LDHB: variants seen among roughly 807,000 people sequenced by gnomAD.
LDHB encodes the protein lactate dehydrogenase B, also known as L-lactate dehydrogenase B chain.
LDHB carries 18 observed loss-of-function variants against 33.4 expected under a neutral mutation model. The ratio of observed to expected loss-of-function variants is 0.54; its 90% confidence interval spans 0.37 to 0.80. The LOEUF is 0.80. Ranked by LOEUF, LDHB falls within the 30% of genes least tolerant of loss-of-function variation. The pLI, the probability that LDHB is intolerant of heterozygous loss-of-function variation, is 0.00. For synonymous variants in LDHB, 121 were observed against 140.6 expected (o/e 0.86, Z 0.98); for missense variants, 345 against 407.9 (o/e 0.85, Z 1.33).
intron 6 of LDHB, among the ~76,000 whole-genome samples, chr12:21,637,770 T>C (rs1650287): frequency 0.94 from 143,598 of 152,008 alleles, 68,333 homozygotes; most frequent in East Asian, 1. Context: ...TAGAAGACCT[T>C]GGACCAGTTA....
intron 4 of LDHB, among the ~76,000 whole-genome samples, chr12:21,643,222 G>A (rs1938421647): frequency 6.6e-6 from 1 of 152,218 alleles, no homozygotes; most frequent in African/African-American, 2.4e-5. Flanking sequence ...GGAAGTGTGA[G>A]AGATAATCAG....
chr12:21,635,475 A>G lies in LDHB; in HGVS notation c.*67T>C. 5 of 1,312,226 alleles carry G rather than the reference A, an allele frequency of 3.8e-6. No individual in the cohort carries two copies. Among genetic ancestry groups the G allele is most frequent in the Non-Finnish European group, 5.5e-6 (5 of 907,044 alleles). 81.3% of individuals were successfully genotyped at this position (1,312,226 alleles called of 1,614,324 possible). A position where few individuals can be genotyped will look rare whatever the true frequency, so the allele number is the denominator to read the frequency against. The stretch of plus-strand genomic sequence containing the variant: ...AGCAAACTGTGATCCATGTACATGG[A>G]TGAAAACTAAAGGCTCGAGTTAATC... On this transcript the variant is annotated 3_prime_UTR_variant, in exon 8 of 8. Coordinates refer to ENST00000350669, the MANE Select transcript of LDHB (RefSeq NM_002300.8).
At chr12:21,651,467 G>C (rs370018538) in intron 2 of LDHB, among the ~76,000 whole-genome samples, 2 of 152,186 alleles carry the variant, frequency 1.3e-5, no homozygotes, top group East Asian at 3.9e-4. Context: ...TGGGCTTCGC[G>C]AATCTGGCTA....
intron 5 of LDHB, 95 bp downstream of exon 5, chr12:21,641,857 A>G: frequency 1.8e-6 from 2 of 1,111,386 alleles, no homozygotes; most frequent in Non-Finnish European, 2.6e-6. Context: ...TCTTAAGTAC[A>G]TCAAAGTCTA....
At chr12:21,635,859 ACAGAGCAAGAACTAAT>A (rs1938201593) in intron 7 of LDHB, 150 bp from the exon 8 acceptor site, 2 of 718,018 alleles carry the variant, frequency 2.8e-6, no homozygotes, top group Admixed American at 4.0e-5. Context: ...AGCCTGGGTG[ACAGAGCAAGAACTAAT>A]CTCTAAAGGG....
In LDHB at chr12:21,635,783, G is replaced by A. The variant is rs1325046758; in HGVS notation, c.838-74C>T. On this transcript the variant is annotated intron_variant, in intron 7 of 7. Coordinates refer to ENST00000350669, the MANE Select transcript of LDHB (RefSeq NM_002300.8). ...AAATGATCAAAGACAGGAGGCTGAG[G>A]TGGGAGGACTGTTTGAGCCCAGGAG... 7 of 1,368,214 alleles carry A rather than the reference G, an allele frequency of 5.1e-6. No individual in the cohort carries two copies. In the Admixed American group the frequency reaches 7.4e-5, roughly 14 times the overall value. 84.8% of individuals were successfully genotyped at this position (1,368,214 alleles called of 1,614,324 possible). A position where few individuals can be genotyped will look rare whatever the true frequency, so the allele number is the denominator to read the frequency against.
Position 21,654,733 on chromosome 12 carries a change from A to G in LDHB, c.-6-56T>C, listed in dbSNP as rs1174830708. The G allele has an allele frequency of 7.0e-6, 10 of 1,425,924 alleles. No individual in the cohort carries two copies. The East Asian group carries it at 2.3e-4, about 32-fold the overall frequency. The allele number at this position is 1,425,924 out of a possible 1,614,324, so 88.3% of individuals were successfully genotyped here. A position where few individuals can be genotyped will look rare whatever the true frequency, so the allele number is the denominator to read the frequency against. ...ATATCTGCATATGAAATCCAAATAG[A>G]AATCATCCTTAAAATGTTACTGTTG... On this transcript the variant is annotated intron_variant, in intron 1 of 7. Coordinates refer to ENST00000350669, the MANE Select transcript of LDHB (RefSeq NM_002300.8).
At chr12:21,645,686 C>T (rs1938504512) in intron 3 of LDHB, among the ~76,000 whole-genome samples, 1 of 152,130 alleles carries the variant, frequency 6.6e-6, no homozygotes, top group Admixed American at 6.5e-5. Flanking sequence ...TTCCTGCTGA[C>T]CTTCTCTCCA....
chr12:21,642,075 G>A lies in LDHB; in HGVS notation c.472C>T (p.Arg158Cys), dbSNP rs532712842. The part of the protein sequence containing the change: ...TWKLSGLPKH[R>C]VIGSGCNLDS... Reference sequence around the variant, plus strand: ...AGATTACATCCACTTCCAATCACGCGGTGTTTGGGTAATCCACTTAGTTTC... The same window carrying A: ...AGATTACATCCACTTCCAATCACGCAGTGTTTGGGTAATCCACTTAGTTTC... The change falls in exon 5 of 8, where the codon CGC becomes TGC. Residue 158 changes from arginine (R) to cysteine (C), a missense_variant. Transcript: ENST00000350669. 4.0e-4 allele frequency: 653 copies of A among 1,612,700 alleles called. 6 individuals carry two copies. The South Asian group carries it at 6.6e-3, about 16-fold the overall frequency.
At chr12:21,654,936 C>T (rs533841395) in intron 1 of LDHB, among the ~76,000 whole-genome samples, 1 of 152,050 alleles carries the variant, frequency 6.6e-6, no homozygotes, top group African/African-American at 2.4e-5. Context: ...TCCTGGCCAA[C>T]ATGGTGAAAC....
Position 21,654,654 on chromosome 12 carries a change from T to C in LDHB, c.18A>G (p.Glu6=). MATLK[E]KLIAPVAEEE... is the part of the protein sequence containing the mutation. ...CTTCCGCAACTGGTGCAATGAGTTT[T>C]TCCTTAAGAGTTGCCATTTTGCACT... The change falls in exon 2 of 8, where the codon GAA becomes GAG. Residue 6 remains glutamate, a synonymous_variant. Transcript: ENST00000350669. 6.2e-7 allele frequency: 1 copy of C among 1,614,048 alleles called. No homozygotes were observed.
At chr12:21,656,470 T>C (rs1008632065) in intron 1 of LDHB, among the ~76,000 whole-genome samples, 2 of 152,228 alleles carry the variant, frequency 1.3e-5, no homozygotes, top group South Asian at 2.1e-4. Context: ...TGAATAGTTG[T>C]TCTGCACTTA....
Position 21,635,663 on chromosome 12 carries a change from A to G in LDHB, c.884T>C (p.Ile295Thr). Residue 295 changes from isoleucine to threonine, a missense_variant, in exon 8 of 8, where the codon ATC becomes ACC. Ile to Thr is a moderately conservative substitution (Grantham distance 89). Coordinates refer to ENST00000350669, the MANE Select transcript of LDHB (RefSeq NM_002300.8). ...GCTGGTTAATCCCCGGGCATTGAGG[A>G]TACATGGAAGGCTCAGGAAGACTTC... ...ENEVFLSLPCILNARGLTSVI... is the reference protein window; with the variant it reads ...ENEVFLSLPCTLNARGLTSVI... 1 of 1,613,840 alleles carries G rather than the reference A, an allele frequency of 6.2e-7. No individual in the cohort carries two copies.
At chr12:21,650,151 C>CACACACATAT (rs142403823) in intron 2 of LDHB, among the ~76,000 whole-genome samples, 5 of 32,736 alleles carry the variant, frequency 1.5e-4, no homozygotes, top group African/African-American at 4.3e-4. Flanking sequence ...CACACACACA[C>CACACACATAT]GTCTCTCTCT....
At chr12:21,649,831 C>CAT (rs1938632391) in intron 2 of LDHB, among the ~76,000 whole-genome samples, 2 of 151,818 alleles carry the variant, frequency 1.3e-5, no homozygotes, top group East Asian at 1.9e-4. Context: ...GTGGCTCATG[C>CAT]GTGTAATCCC....
intron 5 of LDHB, among the ~76,000 whole-genome samples, chr12:21,640,479 T>A (rs1938345548): frequency 5.3e-5 from 8 of 152,040 alleles, no homozygotes; most frequent in Non-Finnish European, 8.8e-5. Flanking sequence ...ACTTAAATAA[T>A]TGATAGTTAT....
intron 3 of LDHB, among the ~76,000 whole-genome samples, chr12:21,646,376 C>T (rs758293414): frequency 1.3e-5 from 2 of 152,180 alleles, no homozygotes; most frequent in African/African-American, 2.4e-5. Flanking sequence ...GTGTGGAATA[C>T]ATAACCATTT....
At chr12:21,636,954 TGA>T (rs1425414176) in intron 7 of LDHB, 115 bp downstream of exon 7, 5 of 931,122 alleles carry the variant, frequency 5.4e-6, no homozygotes, top group African/African-American at 3.2e-5. Context: ...CATAAAACTT[TGA>T]GAGACAGAAA....
chr12:21,652,875 A>G (rs1938734770), intron 2 of LDHB, among the ~76,000 whole-genome samples: 1 of 152,192 alleles, frequency 6.6e-6, no homozygotes, highest in Admixed American at 6.5e-5. Context: ...TTTTTAGTTT[A>G]TTTTTTTGAT....
Sources: allele counts gnomAD v4.1 joint callset (sites outside exome capture counted in the v4.1 genomes callset), GRCh38; gene constraint gnomAD v4.1.1; transcripts MANE v1.5; gene names NCBI Gene and HGNC (gene_info 2026-07-23, HGNC 2026-07-21).